The following RGS7 variants were observed in gnomAD, a reference collection of about 807,000 sequenced individuals.
RGS7 encodes regulator of G protein signaling 7.
RGS7 carries 27 observed loss-of-function variants against 81.1 expected under a neutral mutation model. The observed-to-expected ratio is 0.33, with a 90% CI of 0.25 to 0.46. The LOEUF is 0.46. Ranked by LOEUF, RGS7 falls within the 20% of genes least tolerant of loss-of-function variation. The pLI, the probability that RGS7 is intolerant of heterozygous loss-of-function variation, is 1.00. For missense variants in RGS7, 396 were observed against 607.4 expected, an observed-to-expected ratio of 0.65 and a Z score of 3.66; for synonymous variants, 208 against 207.7, an observed-to-expected ratio of 1.00 and a Z score of -0.01.
intron 3 of RGS7, among the ~76,000 whole-genome samples, chr1:241,057,645 G>A (rs1467535435): frequency 2.0e-5 from 3 of 152,054 alleles, no homozygotes; most frequent in African/African-American, 7.2e-5. Flanking sequence ...TGGGCATGGT[G>A]GCTCATGTCT....
chr1:241,269,898 T>C (rs761737993), intron 2 of RGS7, among the ~76,000 whole-genome samples: 2 of 152,186 alleles, frequency 1.3e-5, no homozygotes, highest in African/African-American at 2.4e-5. Context: ...GCACTCAAAA[T>C]TGGTTGGCAA....
intron 2 of RGS7, among the ~76,000 whole-genome samples, chr1:241,152,466 A>G (rs1162018384): frequency 3.3e-5 from 5 of 152,232 alleles, no homozygotes; most frequent in African/African-American, 4.8e-5. Flanking sequence ...CTTCATCAAT[A>G]GCAATTGCTA....
At chr1:241,214,259 A>C (rs1220771852) in intron 2 of RGS7, among the ~76,000 whole-genome samples, 2 of 151,966 alleles carry the variant, frequency 1.3e-5, no homozygotes, top group Non-Finnish European at 2.9e-5. Flanking sequence ...TTATGCCTTC[A>C]TTTTAAAAAC....
intron 2 of RGS7, among the ~76,000 whole-genome samples, chr1:241,155,693 C>G (rs1028409108): frequency 1.3e-5 from 2 of 151,638 alleles, no homozygotes; most frequent in African/African-American, 4.9e-5. Flanking sequence ...ATTATTTCCC[C>G]AGTCTCAAAA....
At chr1:241,180,644 G>A (rs2071541761) in intron 2 of RGS7, among the ~76,000 whole-genome samples, 1 of 152,118 alleles carries the variant, frequency 6.6e-6, no homozygotes, top group Admixed American at 6.6e-5. Flanking sequence ...TTCTATCCCT[G>A]TAATTACTCT....
At chr1:241,160,110 C>CAAAAAAAAAAAAAAAAAAAA (rs369734662) in intron 2 of RGS7, among the ~76,000 whole-genome samples, 1 of 56,160 alleles carries the variant, frequency 1.8e-5, no homozygotes, top group Non-Finnish European at 3.5e-5. Context: ...GACTCCATCT[C>CAAAAAAAAAAAAAAAAAAAA]AAAAAAAAAA....
intron 2 of RGS7, among the ~76,000 whole-genome samples, chr1:241,213,166 T>C (rs749594245): frequency 1.3e-5 from 2 of 152,198 alleles, no homozygotes; most frequent in Non-Finnish European, 2.9e-5. Flanking sequence ...GACTCACTGA[T>C]AGATAATGTT....
At chr1:241,313,918 T>C (rs1028748848) in intron 2 of RGS7, among the ~76,000 whole-genome samples, 1 of 152,136 alleles carries the variant, frequency 6.6e-6, no homozygotes, top group African/African-American at 2.4e-5. Context: ...GTGGTAGAAA[T>C]AGCAAGAGAA....
chr1:241,353,925 T>C (rs1022240465), intron 2 of RGS7, among the ~76,000 whole-genome samples: 1 of 152,184 alleles, frequency 6.6e-6, no homozygotes. Flanking sequence ...TTTTTCTTTT[T>C]TTGTTCTCAT....
chr1:241,356,437 C>A (rs1457811340), intron 1 of RGS7, among the ~76,000 whole-genome samples: 2 of 152,188 alleles, frequency 1.3e-5, no homozygotes. Flanking sequence ...TCCTTTCTCC[C>A]CACTTCGCTT....
chr1:241,115,086 C>G (rs2065798695), intron 2 of RGS7, among the ~76,000 whole-genome samples: 1 of 152,146 alleles, frequency 6.6e-6, no homozygotes, highest in Admixed American at 6.6e-5. Context: ...ATTGCTGTAA[C>G]CCATAAACCA....
chr1:240,950,315 C>A (rs578152907), intron 4 of RGS7, among the ~76,000 whole-genome samples: 176 of 152,214 alleles, frequency 1.2e-3, no homozygotes, highest in African/African-American at 4.2e-3. Flanking sequence ...GTAATCATTG[C>A]GAAAAATGCC....
At chr1:240,832,610 T>C (rs1004090827) in intron 9 of RGS7, among the ~76,000 whole-genome samples, 42 of 152,188 alleles carry the variant, frequency 2.8e-4, no homozygotes, top group African/African-American at 1.0e-3. Flanking sequence ...AGTACATTTT[T>C]GTTAGTTATA....
At chr1:241,109,147 G>A (rs1179692134) in intron 2 of RGS7, among the ~76,000 whole-genome samples, 1 of 152,060 alleles carries the variant, frequency 6.6e-6, no homozygotes, top group Admixed American at 6.5e-5. Context: ...ATTTATCCAC[G>A]ATATGACGCC....
At chr1:241,103,879 TAAATA>T (rs959036944) in intron 2 of RGS7, among the ~76,000 whole-genome samples, 1 of 152,042 alleles carries the variant, frequency 6.6e-6, no homozygotes, top group African/African-American at 2.4e-5. Flanking sequence ...GTCTCAAAAA[TAAATA>T]AAATAAAATA....
In RGS7 at chr1:240,873,690, A is replaced by G. The variant is rs138032279; in HGVS notation, c.386-3571T>C. Among the ~76,000 whole-genome samples the G allele has an allele frequency of 5.0e-4, 76 of 152,288 alleles. 1 individual carries two copies. The East Asian group carries it at 0.011, about 22-fold the overall frequency. On this transcript the variant is annotated intron_variant, in intron 6 of 18. Transcript: ENST00000440928. ...TCAGACAACACTGATGCCCATGACA[A>G]AGGTATGAAAGCACATCACACAGGT...
intron 9 of RGS7, among the ~76,000 whole-genome samples, chr1:240,839,001 G>A (rs1019243588): frequency 1.3e-5 from 2 of 152,096 alleles, no homozygotes. Flanking sequence ...TCCTGACCTC[G>A]TGATCCGCCT....
intron 2 of RGS7, among the ~76,000 whole-genome samples, chr1:241,126,831 G>A (rs1291534873): frequency 6.7e-6 from 1 of 150,344 alleles, no homozygotes; most frequent in Non-Finnish European, 1.5e-5. Flanking sequence ...TTTGGTCTAG[G>A]TGACAGCATT....
intron 18 of RGS7, among the ~76,000 whole-genome samples, chr1:240,800,262 A>G (rs1687812629): frequency 6.6e-6 from 1 of 152,128 alleles, no homozygotes; most frequent in Non-Finnish European, 1.5e-5. Flanking sequence ...GCCAGCCAAA[A>G]TTTCATAAAA....
Sources: allele counts gnomAD v4.1 joint callset (sites outside exome capture counted in the v4.1 genomes callset), GRCh38; gene constraint gnomAD v4.1.1; transcripts MANE v1.5; gene names NCBI Gene and HGNC (gene_info 2026-07-23, HGNC 2026-07-21).